The following TBC1D22A variants were observed in gnomAD, a reference collection of about 807,000 sequenced individuals.
TBC1D22A encodes the protein TBC1 domain family member 22A, also known as putative GTPase activator.
TBC1D22A carries 38 observed loss-of-function variants against 60.2 expected under a neutral mutation model. That is an observed-to-expected ratio of 0.63 (90% CI 0.49 to 0.83). The LOEUF (loss-of-function observed/expected upper bound fraction) is 0.83, where lower values mean the gene tolerates loss of function less well. Among genes scored for constraint, TBC1D22A ranks in the 40% least tolerant of loss-of-function variants. TBC1D22A has a pLI of 0.00. For missense variants in TBC1D22A, 628 were observed against 701.0 expected (o/e 0.90, Z 1.18); for synonymous variants, 302 against 281.7 (o/e 1.07, Z -0.72).
intron 4 of TBC1D22A, among the ~76,000 whole-genome samples, chr22:46,816,650 G>A (rs1000679828): frequency 5.9e-5 from 9 of 152,302 alleles, no homozygotes; most frequent in African/African-American, 1.7e-4. Context: ...GTAGATGACA[G>A]GATGAGTCAT....
chr22:46,904,142 T>TCTATCTATCTATCTAC (rs57116517), intron 7 of TBC1D22A, among the ~76,000 whole-genome samples: 73 of 134,558 alleles, frequency 5.4e-4, no homozygotes, highest in Non-Finnish European at 8.2e-4. Flanking sequence ...TATCTATCTA[T>TCTATCTATCTATCTAC]CTACCTACCT....
chr22:46,829,277 C>G (rs1047565812), intron 4 of TBC1D22A, among the ~76,000 whole-genome samples: 1 of 152,206 alleles, frequency 6.6e-6, no homozygotes, highest in Non-Finnish European at 1.5e-5. Flanking sequence ...TCTTATTCAT[C>G]TTCAGGTTCC....
At chr22:47,050,633 G>A (rs2063178049) in intron 11 of TBC1D22A, among the ~76,000 whole-genome samples, 1 of 152,190 alleles carries the variant, frequency 6.6e-6, no homozygotes, top group Admixed American at 6.5e-5. Flanking sequence ...CTTGCCTTCT[G>A]CACAAAGTAC....
intron 12 of TBC1D22A, among the ~76,000 whole-genome samples, chr22:47,140,193 C>G (rs533161418): frequency 6.6e-6 from 1 of 151,892 alleles, no homozygotes; most frequent in African/African-American, 2.4e-5. Flanking sequence ...TGCTCAGGCT[C>G]TGAATGCGCG....
intron 4 of TBC1D22A, among the ~76,000 whole-genome samples, chr22:46,828,304 AAGAC>A (rs1356781253): frequency 6.6e-6 from 1 of 152,264 alleles, no homozygotes. Flanking sequence ...TGCAGGAAGA[AAGAC>A]AAAGGAATTA....
chr22:46,819,557 T>G (rs576330243), intron 4 of TBC1D22A, among the ~76,000 whole-genome samples: 1 of 152,244 alleles, frequency 6.6e-6, no homozygotes, highest in African/African-American at 2.4e-5. Flanking sequence ...TTGCATATGT[T>G]GAACCAGCCT....
intron 8 of TBC1D22A, chr22:46,913,603 C>T (rs2070125650): frequency 1.0e-6 from 1 of 985,204 alleles, no homozygotes; most frequent in South Asian, 4.7e-5. Context: ...GCTTGCTTTT[C>T]TGCCTCTTAC....
intron 4 of TBC1D22A, among the ~76,000 whole-genome samples, chr22:46,848,147 C>T (rs1054670638): frequency 3.3e-5 from 5 of 152,204 alleles, no homozygotes; most frequent in African/African-American, 7.2e-5. Flanking sequence ...TCATTAAGAG[C>T]GGCTTTAAAG....
chr22:47,033,403 G>A (rs1307309412), intron 10 of TBC1D22A, among the ~76,000 whole-genome samples: 1 of 152,176 alleles, frequency 6.6e-6, no homozygotes, highest in East Asian at 1.9e-4. Context: ...GGCCAGGCTG[G>A]GAATGTGTCC....
chr22:47,101,042 G>A (rs186686189), intron 11 of TBC1D22A, among the ~76,000 whole-genome samples: 4 of 152,130 alleles, frequency 2.6e-5, no homozygotes, highest in Non-Finnish European at 4.4e-5. Context: ...GCACTCCCGG[G>A]AGCCCTTGGG....
Position 46,826,156 on chromosome 22 carries a change from T to C in TBC1D22A, c.637+28536T>C, listed in dbSNP as rs569344359. 1.2e-3 allele frequency among the ~76,000 whole-genome samples: 189 copies of C among 152,138 alleles called. 1 individual carries two copies. The highest frequency in any genetic ancestry group is 1.6e-3 in the Non-Finnish European group (111 of 67,966). ...TTGGCCTCCCAAAGTGCTGGGATTA[T>C]AGGCGTGAGCCACCACACCCAGCTG... is the stretch of plus-strand genomic sequence containing the variant. On this transcript the variant is annotated intron_variant, in intron 4 of 12. Coordinates refer to ENST00000337137, the MANE Select transcript of TBC1D22A (RefSeq NM_014346.5).
chr22:46,847,974 A>G (rs2087098372), intron 4 of TBC1D22A, among the ~76,000 whole-genome samples: 1 of 150,588 alleles, frequency 6.6e-6, no homozygotes, highest in Non-Finnish European at 1.5e-5. Context: ...CACGCGCTCT[A>G]CACAGTAAAT....
At chr22:46,849,491 T>C (rs1602141171) in intron 4 of TBC1D22A, among the ~76,000 whole-genome samples, 1 of 152,188 alleles carries the variant, frequency 6.6e-6, no homozygotes, top group East Asian at 1.9e-4. Context: ...CTGTCATCTT[T>C]ATTAGAGAAC....
intron 12 of TBC1D22A, among the ~76,000 whole-genome samples, chr22:47,148,085 A>G (rs1478593260): frequency 6.6e-6 from 1 of 152,222 alleles, no homozygotes; most frequent in East Asian, 1.9e-4. Context: ...GTCAAAGCAC[A>G]AAACAAAGCT....
At chr22:47,128,682 C>A (rs1244382562) in intron 12 of TBC1D22A, among the ~76,000 whole-genome samples, 2 of 152,116 alleles carry the variant, frequency 1.3e-5, no homozygotes, top group Non-Finnish European at 2.9e-5. Context: ...ATACCACTTT[C>A]TCTGGGGAAA....
In TBC1D22A at chr22:46,986,698, G is replaced by GATTGAT. The variant is rs1340362104; in HGVS notation, c.1126-10933_1126-10928dup. Among the ~76,000 whole-genome samples, 4 of 140,652 alleles carry GATTGAT rather than the reference G, an allele frequency of 2.8e-5. No individual in the cohort carries two copies. The Admixed American group carries it at 2.9e-4, about 10-fold the overall frequency. 92.3% of individuals were successfully genotyped at this position (140,652 alleles called of 152,430 possible). On this transcript the variant is annotated intron_variant, in intron 9 of 12. Coordinates refer to ENST00000337137, the MANE Select transcript of TBC1D22A (RefSeq NM_014346.5). ...ACTGATTTGTAGTAAATCAATTTTG[G>GATTGAT]ATTGATATGCTAGGGGTATATACAA...
chr22:46,967,709 T>A (rs1027210868), intron 8 of TBC1D22A, among the ~76,000 whole-genome samples: 6 of 152,196 alleles, frequency 3.9e-5, no homozygotes, highest in African/African-American at 1.4e-4. Flanking sequence ...ACCAAGCTCT[T>A]CCATGTAGTT....
At chr22:47,068,232 G>A (rs1285999480) in intron 11 of TBC1D22A, among the ~76,000 whole-genome samples, 1 of 152,242 alleles carries the variant, frequency 6.6e-6, no homozygotes, top group Non-Finnish European at 1.5e-5. Flanking sequence ...CACCACTGTC[G>A]AGGGGAGAGG....
chr22:46,881,728 G>A (rs2067861566), intron 5 of TBC1D22A, among the ~76,000 whole-genome samples: 1 of 152,174 alleles, frequency 6.6e-6, no homozygotes, highest in Non-Finnish European at 1.5e-5. Context: ...AGGCTACAGG[G>A]GTGGAGTAAG....
Sources: gnomAD v4.1 joint callset for allele counts (sites outside exome capture counted in the v4.1 genomes callset) on GRCh38, gnomAD v4.1.1 for gene constraint, MANE v1.5 for transcripts, NCBI Gene and HGNC (gene_info 2026-07-23, HGNC 2026-07-21) for gene names.